The following CNTNAP4 variants were observed in gnomAD, a reference collection of about 807,000 sequenced individuals.
The protein encoded by CNTNAP4 is contactin associated protein family member 4, also known as contactin-associated protein-like 4.
CNTNAP4 carries 98 observed loss-of-function variants against 148.4 expected under a neutral mutation model. That is an observed-to-expected ratio of 0.66 (90% confidence interval 0.56 to 0.78). The LOEUF (loss-of-function observed/expected upper bound fraction) is 0.78, where lower values mean the gene tolerates loss of function less well. CNTNAP4 is among the 30% of genes least tolerant of loss of function. The probability of loss-of-function intolerance (pLI) is 0.00; values close to 1 mark genes in which losing one functional copy is unlikely to be tolerated. For synonymous variants in CNTNAP4, 730 were observed against 565.1 expected, an observed-to-expected ratio of 1.29 and a Z score of -4.14; for missense variants, 1,935 against 1,565.6, an observed-to-expected ratio of 1.24 and a Z score of -3.98.
In CNTNAP4 at chr16:76,522,738, T is replaced by C. The variant is rs541824222; in HGVS notation, c.2755+481T>C. Among the ~76,000 whole-genome samples the C allele has an allele frequency of 2.6e-4, 27 of 103,092 alleles. 1 individual carries two copies. The highest frequency in any genetic ancestry group is 1.0e-3 in the South Asian group (3 of 3,012). The allele number at this position is 103,092 out of a possible 152,430, so 67.6% of individuals were successfully genotyped here. On this transcript the variant is annotated intron_variant, in intron 17 of 23. Transcript: ENST00000611870. Reference sequence around the variant, plus strand: ...TTTCTTTTCTTTTCTTTTCTTTTCTTTTCTTTTCTTTTCTTTTCTTTTCTT... The same window carrying C: ...TTTCTTTTCTTTTCTTTTCTTTTCTCTTCTTTTCTTTTCTTTTCTTTTCTT...
intron 17 of CNTNAP4, 94 bp downstream of exon 17, chr16:76,522,351 T>A: frequency 9.8e-7 from 1 of 1,024,728 alleles, no homozygotes. Flanking sequence ...ACAAGGATAA[T>A]AACAACAAGC....
chr16:76,447,193 C>T (rs562158770), intron 4 of CNTNAP4, among the ~76,000 whole-genome samples: 4 of 151,966 alleles, frequency 2.6e-5, no homozygotes, highest in South Asian at 4.2e-4. Context: ...CCTTGTGGTT[C>T]CACTTACTCA....
At chr16:76,511,810 T>C (rs2083036721) in intron 15 of CNTNAP4, among the ~76,000 whole-genome samples, 1 of 149,724 alleles carries the variant, frequency 6.7e-6, no homozygotes. Context: ...GATAAAAATA[T>C]CGGTATTCTT....
intron 15 of CNTNAP4, among the ~76,000 whole-genome samples, chr16:76,501,327 T>G (rs1355078384): frequency 2.6e-5 from 4 of 152,226 alleles, no homozygotes; most frequent in Admixed American, 2.6e-4. Context: ...CACTTCTTGC[T>G]CTGATCTTAA....
chr16:76,444,708 T>A (rs2080175392), intron 4 of CNTNAP4, among the ~76,000 whole-genome samples: 1 of 152,198 alleles, frequency 6.6e-6, no homozygotes, highest in Non-Finnish European at 1.5e-5. Context: ...AAAAGTGACC[T>A]ACAATGAGTG....
At chr16:76,339,438 A>G (rs1355566046) in intron 2 of CNTNAP4, among the ~76,000 whole-genome samples, 1 of 152,178 alleles carries the variant, frequency 6.6e-6, no homozygotes, top group Non-Finnish European at 1.5e-5. Context: ...TAAGATATTT[A>G]TGTTAAGATA....
At position 76,553,421 on chromosome 16, in the gene CNTNAP4, C is replaced by T. The variant is rs200760113; in HGVS notation, c.3581C>T (p.Thr1194Ile). The change falls in exon 22 of 24, where the codon ACA (threonine) becomes ATA (isoleucine). Residue 1194 changes from threonine (T) to isoleucine (I), a missense_variant. Thr to Ile is a moderately conservative substitution (Grantham distance 89). Coordinates refer to ENST00000611870, the MANE Select transcript of CNTNAP4 (RefSeq NM_033401.5). ...HPSHPDPVTV[T>I]GHVTESSCMA... ...AGCCACCCAGACCCTGTCACTGTTACAGGACACGTGACTGAGTCCAGCTGT... is the reference window on the plus strand; with the variant it reads ...AGCCACCCAGACCCTGTCACTGTTATAGGACACGTGACTGAGTCCAGCTGT... 1.7e-5 allele frequency: 27 copies of T among 1,612,640 alleles called. No individual in the cohort carries two copies. The highest frequency in any genetic ancestry group is 3.3e-4 in the Middle Eastern group (2 of 6,056).
chr16:76,360,686 A>G (rs990080389), intron 3 of CNTNAP4, among the ~76,000 whole-genome samples: 1 of 152,138 alleles, frequency 6.6e-6, no homozygotes, highest in East Asian at 1.9e-4. Context: ...TCCAAAACAT[A>G]TTTTAATGAA....
chr16:76,281,215 G>C (rs997605086), intron 1 of CNTNAP4, among the ~76,000 whole-genome samples: 1 of 152,016 alleles, frequency 6.6e-6, no homozygotes, highest in African/African-American at 2.4e-5. Context: ...CTTTCTAGAA[G>C]CTACTTTCTT....
chr16:76,311,818 G>A (rs1289283018), intron 1 of CNTNAP4, among the ~76,000 whole-genome samples: 2 of 152,136 alleles, frequency 1.3e-5, no homozygotes, highest in Admixed American at 1.3e-4. Flanking sequence ...ATGGTCTCCT[G>A]TGCCCTTTTT....
chr16:76,361,139 G>T (rs1250014834), intron 3 of CNTNAP4, among the ~76,000 whole-genome samples: 6 of 151,290 alleles, frequency 4.0e-5, no homozygotes, highest in African/African-American at 1.5e-4. Flanking sequence ...TTATAATTGT[G>T]TTAAAAAAAA....
intron 22 of CNTNAP4, 146 bp from the exon 23 acceptor site, chr16:76,553,690 C>T (rs1003257343): frequency 3.1e-6 from 2 of 645,996 alleles, no homozygotes; most frequent in Admixed American, 2.8e-5. Flanking sequence ...GGGGTCATTG[C>T]CATTGACATT....
rs1172785374 is a variant in CNTNAP4 at position 76,535,688 on chromosome 16, A to T, written c.2899A>T (p.Lys967Ter). ...GCRGHCSSYG[K>*]LCRNGGKCRE... The stretch of plus-strand genomic sequence containing the variant: ...TAGGGGACATTGCAGCAGCTATGGG[A>T]AGTTATGCCGCAATGGAGGGAAATG... Residue 967 changes from lysine (K) to a stop codon, truncating the protein, a stop_gained, in exon 18 of 24, where the codon AAG becomes TAG. Transcript: ENST00000611870. LOFTEE classifies it high-confidence loss of function. 6.2e-7 allele frequency: 1 copy of T among 1,614,002 alleles called. No individual in the cohort carries two copies.
At chr16:76,386,735 A>G (rs2340430) in intron 3 of CNTNAP4, among the ~76,000 whole-genome samples, 97,748 of 151,930 alleles carry the variant, frequency 0.64, 32,064 homozygotes, top group East Asian at 0.88. Context: ...TATAGGTATG[A>G]TATCTCTATA....
At chr16:76,463,247 C>G (rs543617982) in intron 9 of CNTNAP4, among the ~76,000 whole-genome samples, 1 of 152,062 alleles carries the variant, frequency 6.6e-6, no homozygotes, top group African/African-American at 2.4e-5. Flanking sequence ...GCTTTTACTT[C>G]AAAGGAAAAG....
intron 2 of CNTNAP4, among the ~76,000 whole-genome samples, chr16:76,335,142 T>C (rs1047716523): frequency 2.0e-5 from 3 of 152,104 alleles, no homozygotes; most frequent in East Asian, 1.9e-4. Flanking sequence ...ATGTGTGAAG[T>C]GATCAGTAGA....
intron 3 of CNTNAP4, among the ~76,000 whole-genome samples, chr16:76,364,172 G>T (rs1039746661): frequency 7.2e-6 from 1 of 139,100 alleles, no homozygotes; most frequent in African/African-American, 2.7e-5. Context: ...GGGAGGTGGA[G>T]GTTGCGGTGA....
chr16:76,560,361 A>G lies in CNTNAP4; in HGVS notation c.*1678A>G, dbSNP rs1238551080. 6.6e-6 allele frequency among the ~76,000 whole-genome samples: 1 copy of G among 152,188 alleles called. No homozygotes were observed. The highest frequency in any genetic ancestry group is 1.5e-5 in the Non-Finnish European group (1 of 68,030). On this transcript the variant is annotated 3_prime_UTR_variant, in exon 24 of 24. Transcript: ENST00000611870. ...GATGTTTCTGCAAATGCCTGACTAA[A>G]TCTTAAGAACCTGAATTAACATAGT...
At chr16:76,342,430 A>T (rs1410525340) in intron 2 of CNTNAP4, among the ~76,000 whole-genome samples, 2 of 149,884 alleles carry the variant, frequency 1.3e-5, no homozygotes, top group Non-Finnish European at 1.5e-5. Context: ...GACTCTACAA[A>T]TATTATATTT....
Sources: allele counts gnomAD v4.1 joint callset (sites outside exome capture counted in the v4.1 genomes callset), GRCh38; gene constraint gnomAD v4.1.1; transcripts MANE v1.5; gene names NCBI Gene and HGNC (gene_info 2026-07-23, HGNC 2026-07-21).